The following SNX14 variants were observed in gnomAD, a reference collection of about 807,000 sequenced individuals.
SNX14 encodes the protein sorting nexin 14, also known as sorting nexin-14.
A neutral mutation model predicts 133.8 loss-of-function variants in SNX14; 93 were observed. The ratio of observed to expected loss-of-function variants is 0.70; its 90% CI spans 0.59 to 0.83. The LOEUF (loss-of-function observed/expected upper bound fraction) is 0.83. Among genes scored for constraint, SNX14 ranks in the 40% least tolerant of loss-of-function variants. The pLI, the probability that SNX14 is intolerant of heterozygous loss-of-function variation, is 0.00. For missense variants in SNX14, 945 were observed against 1,094.9 expected (o/e 0.86, Z 1.93); for synonymous variants, 368 against 365.6 (o/e 1.01, Z -0.07).
At chr6:85,528,983 T>C (rs1349240087) in intron 19 of SNX14, among the ~76,000 whole-genome samples, 2 of 138,044 alleles carry the variant, frequency 1.4e-5, no homozygotes, top group African/African-American at 5.5e-5. Context: ...ACCTGAGAGG[T>C]GGAGGTTGCT....
chr6:85,508,439 TATAGAAATGC>T, intron 26 of SNX14: 1 of 918,016 alleles, frequency 1.1e-6, no homozygotes, highest in Non-Finnish European at 1.3e-6. Flanking sequence ...TACATACATG[TATAGAAATGC>T]ATGGAAAAAT....
In SNX14 at chr6:85,547,408, A is replaced by C. The variant is rs1554239134; in HGVS notation, c.913-11T>G. Reference sequence around the variant, plus strand: ...AGTTGCTTTTTCAGGCTTTGAAAGAAAGAGAATTATTAACTCAGTAAAATT... The same window carrying C: ...AGTTGCTTTTTCAGGCTTTGAAAGACAGAGAATTATTAACTCAGTAAAATT... On this transcript the variant is annotated splice_polypyrimidine_tract_variant and intron_variant, in intron 10 of 28. Coordinates refer to ENST00000314673, the MANE Select transcript of SNX14 (RefSeq NM_153816.6). 6 of 1,612,284 alleles carry C rather than the reference A, an allele frequency of 3.7e-6. No individual in the cohort carries two copies. Among genetic ancestry groups the C allele is most frequent in the Non-Finnish European group, 8.5e-7 (1 of 1,179,600 alleles).
rs1323166555 is a variant in SNX14, at chr6:85,543,276, T to C, written c.1295A>G (p.Lys432Arg). ...AAAAAGACATCTCATAGTTTGAAGT[T>C]TCACAACATCTATGTATGGGCCTTC... ...IAEGPYIDVV[K>R]LQTMRCLFEA... The change falls in exon 14 of 29, where the codon AAA becomes AGA. Residue 432 changes from lysine to arginine, a missense_variant. Coordinates refer to ENST00000314673, the MANE Select transcript of SNX14 (RefSeq NM_153816.6). The C allele has an allele frequency of 1.3e-6, 2 of 1,593,712 alleles. No homozygotes were observed. The highest frequency in any genetic ancestry group is 2.7e-5 in the African/African-American group (2 of 73,688).
At chr6:85,514,326 A>C in intron 24 of SNX14, 92 bp from the exon 25 acceptor site, 1 of 1,503,894 alleles carries the variant, frequency 6.6e-7, no homozygotes, top group Non-Finnish European at 8.9e-7. Context: ...GACCATGGTC[A>C]ATATTTTATT....
chr6:85,535,784 G>T (rs752944668), intron 17 of SNX14, among the ~76,000 whole-genome samples: 2 of 151,996 alleles, frequency 1.3e-5, no homozygotes, highest in African/African-American at 4.8e-5. Flanking sequence ...CAAAAGGAAG[G>T]GGTAAAGAAA....
In SNX14 at chr6:85,533,649, T is replaced by C. The variant is rs749719619; in HGVS notation, c.1760A>G (p.Glu587Gly). The change falls in exon 18 of 29, where the codon GAA becomes GGA. Residue 587 changes from glutamate to glycine, a missense_variant. Transcript: ENST00000314673. ...ATCAATACAAAACACAGGAATTCTTTCTTTTTTCTCCTTCCTTTCAGAGGA... is the reference window on the plus strand; with the variant it reads ...ATCAATACAAAACACAGGAATTCTTCCTTTTTTCTCCTTCCTTTCAGAGGA... Reference protein sequence around the residue: ...DPSSERKEKKERIPVFCIDVE... With the variant: ...DPSSERKEKKGRIPVFCIDVE... The C allele has an allele frequency of 2.1e-5, 34 of 1,613,744 alleles. No individual in the cohort carries two copies. Among genetic ancestry groups the C allele is most frequent in the Non-Finnish European group, 2.3e-5 (27 of 1,180,040 alleles).
chr6:85,587,476 T>A (rs901765784), intron 1 of SNX14, among the ~76,000 whole-genome samples: 15 of 152,172 alleles, frequency 9.9e-5, no homozygotes, highest in Non-Finnish European at 1.3e-4. Context: ...TTTTAAAAAA[T>A]TTTTTTGAGA....
At chr6:85,527,252 T>A (rs779908978) in intron 20 of SNX14, among the ~76,000 whole-genome samples, 1 of 152,044 alleles carries the variant, frequency 6.6e-6, no homozygotes, top group South Asian at 2.1e-4. Flanking sequence ...TAGAAATAAT[T>A]AGCTGGTTCA....
chr6:85,577,580 A>C (rs2128213405), intron 1 of SNX14, among the ~76,000 whole-genome samples: 1 of 152,336 alleles, frequency 6.6e-6, no homozygotes, highest in Admixed American at 6.5e-5. Flanking sequence ...GCTAAGGATA[A>C]AGGTTTAGAA....
intron 6 of SNX14, among the ~76,000 whole-genome samples, chr6:85,561,860 T>C (rs772646926): frequency 6.6e-6 from 1 of 151,870 alleles, no homozygotes; most frequent in East Asian, 1.9e-4. Flanking sequence ...CCAACTTTTA[T>C]GTTAGGTTCA....
chr6:85,536,396 T>C (rs901672718), intron 17 of SNX14, among the ~76,000 whole-genome samples: 6 of 152,212 alleles, frequency 3.9e-5, no homozygotes, highest in Non-Finnish European at 8.8e-5. Flanking sequence ...GTCAACAGAC[T>C]GTAGTTTAAG....
chr6:85,574,062 AAT>A (rs1796512203), intron 2 of SNX14, among the ~76,000 whole-genome samples, 194 bp downstream of exon 2: 2 of 46,762 alleles, frequency 4.3e-5, no homozygotes, highest in Non-Finnish European at 1.4e-4. Context: ...ATTTTTTTAT[AAT>A]AATAAAATCA....
At chr6:85,582,595 T>C (rs1264490039) in intron 1 of SNX14, among the ~76,000 whole-genome samples, 2 of 151,948 alleles carry the variant, frequency 1.3e-5, no homozygotes, top group African/African-American at 2.4e-5. Context: ...ATAAAGGGGA[T>C]ATCATCACTG....
chr6:85,541,911 T>C (rs1783873634), intron 15 of SNX14, 74 bp downstream of exon 15: 3 of 1,108,892 alleles, frequency 2.7e-6, no homozygotes, highest in Admixed American at 2.5e-5. Flanking sequence ...TTCAGAAAAA[T>C]AGCTAATAAA....
intron 2 of SNX14, 54 bp from the exon 3 acceptor site, chr6:85,572,428 T>C (rs547257080): frequency 7.6e-7 from 1 of 1,314,642 alleles, no homozygotes; most frequent in East Asian, 2.3e-5. Context: ...ATAACATCTT[T>C]ATTTAAAAGA....
intron 21 of SNX14, among the ~76,000 whole-genome samples, chr6:85,520,398 C>T (rs1317184389): frequency 6.6e-6 from 1 of 150,764 alleles, no homozygotes; most frequent in Non-Finnish European, 1.5e-5. Flanking sequence ...TGCTCTGTTG[C>T]CCAGGCTGGA....
chr6:85,543,311 TA>T lies in SNX14; in HGVS notation c.1265-6del. On this transcript the variant is annotated splice_region_variant and splice_polypyrimidine_tract_variant and intron_variant, in intron 13 of 28. Transcript: ENST00000314673. ...CTATGTATGGGCCTTCAGCAACTAT[TA>T]AAAAAATTCTACTGTAGAAATTATT... The T allele has an allele frequency of 3.2e-6, 5 of 1,557,800 alleles. No individual in the cohort carries two copies. The highest frequency in any genetic ancestry group is 2.2e-5 in the Admixed American group (1 of 45,944).
chr6:85,548,498 G>T (rs1196724603), intron 8 of SNX14, 122 bp from the exon 9 acceptor site: 4 of 699,578 alleles, frequency 5.7e-6, no homozygotes, highest in Non-Finnish European at 9.1e-6. Flanking sequence ...AGTAGGTCTT[G>T]GTTAGGCCCT....
At chr6:85,547,283 A>G (rs778723698) in intron 11 of SNX14, 34 bp downstream of exon 11, 2 of 1,611,102 alleles carry the variant, frequency 1.2e-6, no homozygotes, top group Non-Finnish European at 1.7e-6. Context: ...AAAATTGTTT[A>G]TATCAAAAAG....
Sources: gnomAD v4.1 joint callset for allele counts (sites outside exome capture counted in the v4.1 genomes callset) on GRCh38, gnomAD v4.1.1 for gene constraint, MANE v1.5 for transcripts, NCBI Gene and HGNC (gene_info 2026-07-23, HGNC 2026-07-21) for gene names.